RAB2B: variants seen among roughly 807,000 people sequenced by gnomAD.
The protein encoded by RAB2B is ras-related protein Rab-2B.
In RAB2B, 20 loss-of-function variants were observed where a neutral mutation model predicts 29.8. That is an observed-to-expected ratio of 0.67 (90% CI 0.47 to 0.97). The LOEUF (loss-of-function observed/expected upper bound fraction) is 0.97, where lower values mean the gene tolerates loss of function less well. Among genes scored for constraint, RAB2B ranks in the 50% least tolerant of loss-of-function variants. RAB2B has a pLI of 0.00. For synonymous variants in RAB2B, 93 were observed against 91.7 expected (o/e 1.01, Z -0.08); for missense variants, 218 against 272.0 (o/e 0.80, Z 1.40).
At chr14:21,472,887 C>T (rs1485024085) in intron 3 of RAB2B, among the ~76,000 whole-genome samples, 1 of 151,346 alleles carries the variant, frequency 6.6e-6, no homozygotes, top group Middle Eastern at 3.2e-3. Context: ...GGTTTTTTTC[C>T]CCAGCATCAA....
chr14:21,472,486 G>A (rs145816841), intron 3 of RAB2B, among the ~76,000 whole-genome samples: 162 of 152,192 alleles, frequency 1.1e-3, no homozygotes, highest in Admixed American at 2.6e-3. Context: ...GGCTGACAAC[G>A]GAGAAATGAC....
At chr14:21,464,454 A>T (rs1477127501) in intron 5 of RAB2B, among the ~76,000 whole-genome samples, 1 of 152,152 alleles carries the variant, frequency 6.6e-6, no homozygotes, top group Non-Finnish European at 1.5e-5. Context: ...AAAAGTCATA[A>T]GATGTCCCAT....
chr14:21,468,951 A>G (rs1382304904), intron 3 of RAB2B, among the ~76,000 whole-genome samples, 199 bp from the exon 4 acceptor site: 1 of 151,348 alleles, frequency 6.6e-6, no homozygotes, highest in African/African-American at 2.4e-5. Context: ...ATGGGAGTGC[A>G]TTGATATTTT....
chr14:21,471,676 T>A lies in RAB2B; in HGVS notation c.187-2924A>T, dbSNP rs535270689. On this transcript the variant is annotated intron_variant, in intron 3 of 7. Transcript: ENST00000397762. Reference sequence around the variant, plus strand: ...GCAACGAACTAAGATGAAGGTTTTTTTTTCCTTTTTTTTTTTTGAGAGGGA... The same window carrying A: ...GCAACGAACTAAGATGAAGGTTTTTATTTCCTTTTTTTTTTTTGAGAGGGA... Among the ~76,000 whole-genome samples, 122 of 72,772 alleles carry A rather than the reference T, an allele frequency of 1.7e-3. 3 individuals carry two copies. In the South Asian group the frequency reaches 0.088, roughly 53 times the overall value. The allele number at this position is 72,772 out of a possible 152,430, so 47.7% of individuals were successfully genotyped here.
chr14:21,468,877 A>G (rs1185640838), intron 3 of RAB2B, 125 bp from the exon 4 acceptor site: 15 of 501,302 alleles, frequency 3.0e-5, no homozygotes, highest in Admixed American at 2.0e-4. Flanking sequence ...TTACGAAAAG[A>G]GAATTAGGGA....
chr14:21,470,015 A>C (rs1203110543), intron 3 of RAB2B, among the ~76,000 whole-genome samples: 2 of 145,808 alleles, frequency 1.4e-5, no homozygotes, highest in Non-Finnish European at 3.0e-5. Flanking sequence ...GCAGTGGCGC[A>C]ATCTTGGCTC....
Position 21,460,232 on chromosome 14 carries a change from G to A in RAB2B, c.*964C>T, listed in dbSNP as rs756111862. The A allele has an allele frequency of 3.9e-6, 2 of 518,790 alleles. No homozygotes were observed. The highest frequency in any genetic ancestry group is 1.9e-5 in the African/African-American group (1 of 51,922). The allele number at this position is 518,790 out of a possible 1,614,324, so 32.1% of individuals were successfully genotyped here. A position where few individuals can be genotyped will look rare whatever the true frequency, so the allele number is the denominator to read the frequency against. On this transcript the variant is annotated 3_prime_UTR_variant, in exon 8 of 8. Transcript: ENST00000397762. ...CAACTAGATCTAGGTAATTGCAAGTGTTCAAATAGAATGTCTTTGACCCTA... is the reference window on the plus strand; with the variant it reads ...CAACTAGATCTAGGTAATTGCAAGTATTCAAATAGAATGTCTTTGACCCTA...
rs148469533 is a variant in RAB2B, at chr14:21,469,575, C to T, written c.187-823G>A. Among the ~76,000 whole-genome samples the T allele has an allele frequency of 1.3e-3, 198 of 152,238 alleles. 2 individuals are homozygous for T. The highest frequency in any genetic ancestry group is 4.4e-3 in the African/African-American group (184 of 41,542). ...TGGGTACTTTTGCTTTCTTGATGGA[C>T]TAGTTCTTTTTTTTTCCTTTAGGGA... On this transcript the variant is annotated intron_variant, in intron 3 of 7. Transcript: ENST00000397762.
chr14:21,465,356 CTG>C (rs1191239081), intron 5 of RAB2B, among the ~76,000 whole-genome samples: 2 of 152,172 alleles, frequency 1.3e-5, no homozygotes, highest in African/African-American at 4.8e-5. Context: ...TTCCCCTAGC[CTG>C]TGTTTGCTGC....
At chr14:21,465,408 A>G (rs1009091293) in intron 5 of RAB2B, among the ~76,000 whole-genome samples, 2 of 152,232 alleles carry the variant, frequency 1.3e-5, no homozygotes, top group Non-Finnish European at 2.9e-5. Flanking sequence ...GCCAAAAACC[A>G]AAGTGTTATT....
At chr14:21,476,000 G>A (rs897225283) in intron 2 of RAB2B, among the ~76,000 whole-genome samples, 2 of 152,344 alleles carry the variant, frequency 1.3e-5, no homozygotes, top group Middle Eastern at 3.4e-3. Context: ...TATCACAAAC[G>A]TGTGGGAAAG....
Position 21,468,752 on chromosome 14 carries a change from C to T in RAB2B, c.187G>A (p.Ala63Thr), listed in dbSNP as rs777391109. The T allele has an allele frequency of 9.8e-6, 15 of 1,525,224 alleles. No individual in the cohort carries two copies. The highest frequency in any genetic ancestry group is 1.3e-5 in the Non-Finnish European group (15 of 1,136,916). 94.5% of individuals were successfully genotyped at this position (1,525,224 alleles called of 1,614,324 possible). ...KQIKLQIWDT[A>T]GQESFRSITR... ...ATAGAACGGAAGGATTCTTGCCCAGCCTTTCCCACCAACATGGCAACAAAA... is the reference window on the plus strand; with the variant it reads ...ATAGAACGGAAGGATTCTTGCCCAGTCTTTCCCACCAACATGGCAACAAAA... The change falls in exon 4 of 8, where the codon GCT becomes ACT. Residue 63 changes from alanine to threonine, a missense_variant and splice_region_variant. Ala to Thr is a moderately conservative substitution (Grantham distance 58, BLOSUM62 0). Transcript: ENST00000397762.
intron 5 of RAB2B, among the ~76,000 whole-genome samples, chr14:21,465,886 A>G (rs1566468537): frequency 1.3e-5 from 2 of 151,626 alleles, no homozygotes; most frequent in East Asian, 3.9e-4. Context: ...AGGTGTTTGT[A>G]TAGTTTGTTC....
At chr14:21,469,103 C>A (rs1233366310) in intron 3 of RAB2B, among the ~76,000 whole-genome samples, 1 of 151,320 alleles carries the variant, frequency 6.6e-6, no homozygotes, top group Non-Finnish European at 1.5e-5. Flanking sequence ...TTCCCAATAT[C>A]CTCATAAAAG....
At position 21,462,532 on chromosome 14, in the gene RAB2B, G is replaced by C. The variant is rs549646366; in HGVS notation, c.475-114C>G. Reference sequence around the variant, plus strand: ...TTCTAAGGTGAATTAGGAACCATTAGAAGACAGTAAAAAACATAGAAGGTC... The same window carrying C: ...TTCTAAGGTGAATTAGGAACCATTACAAGACAGTAAAAAACATAGAAGGTC... On this transcript the variant is annotated intron_variant, in intron 6 of 7. Coordinates refer to ENST00000397762, the MANE Select transcript of RAB2B (RefSeq NM_032846.4). 17 of 1,047,374 alleles carry C rather than the reference G, an allele frequency of 1.6e-5. No individual in the cohort carries two copies. The Admixed American group carries it at 3.5e-4, about 22-fold the overall frequency. 64.9% of individuals were successfully genotyped at this position (1,047,374 alleles called of 1,614,324 possible). A position where few individuals can be genotyped will look rare whatever the true frequency, so the allele number is the denominator to read the frequency against.
In RAB2B at chr14:21,460,124, A is replaced by C. The variant is rs753313546; in HGVS notation, c.*1072T>G. Reference sequence around the variant, plus strand: ...GAAACTGCCTTCTACAAGAATTCTTAGGAAGTGGCAAGCAGACACCCAAAG... The same window carrying C: ...GAAACTGCCTTCTACAAGAATTCTTCGGAAGTGGCAAGCAGACACCCAAAG... On this transcript the variant is annotated 3_prime_UTR_variant, in exon 8 of 8. Transcript: ENST00000397762. The C allele has an allele frequency of 1.9e-6, 1 of 518,246 alleles. No homozygotes were observed. The highest frequency in any genetic ancestry group is 1.4e-5 in the South Asian group (1 of 71,562). 32.1% of individuals were successfully genotyped at this position (518,246 alleles called of 1,614,324 possible).
chr14:21,471,752 T>G (rs954843200), intron 3 of RAB2B, among the ~76,000 whole-genome samples: 8 of 150,612 alleles, frequency 5.3e-5, no homozygotes, highest in Admixed American at 3.3e-4. Flanking sequence ...CTTGGCTCAC[T>G]GCAACCTCCG....
intron 5 of RAB2B, among the ~76,000 whole-genome samples, chr14:21,467,051 T>G (rs1367601771): frequency 6.6e-6 from 1 of 151,928 alleles, no homozygotes; most frequent in African/African-American, 2.4e-5. Flanking sequence ...GGACTAGAGG[T>G]GCGTGCCACC....
Position 21,463,773 on chromosome 14 carries a change from A to T in RAB2B, c.363-6T>A. ...CCCTGCGGGACTCTAGGTCACTGCAAGAGATTAATTAAGGAGAAAATTTAA... is the reference window on the plus strand; with the variant it reads ...CCCTGCGGGACTCTAGGTCACTGCATGAGATTAATTAAGGAGAAAATTTAA... On this transcript the variant is annotated splice_region_variant and splice_polypyrimidine_tract_variant and intron_variant, in intron 5 of 7. Transcript: ENST00000397762. 1.3e-6 allele frequency: 2 copies of T among 1,538,052 alleles called. No homozygotes were observed. Among genetic ancestry groups the T allele is most frequent in the Non-Finnish European group, 1.8e-6 (2 of 1,124,142 alleles).
Sources: allele counts gnomAD v4.1 joint callset (sites outside exome capture counted in the v4.1 genomes callset), GRCh38; gene constraint gnomAD v4.1.1; transcripts MANE v1.5; gene names NCBI Gene and HGNC (gene_info 2026-07-23, HGNC 2026-07-21).